The following ATP9B variants were observed in gnomAD, a reference collection of about 807,000 sequenced individuals.
ATP9B encodes ATPase phospholipid transporting 9B.
A neutral mutation model predicts 146.1 loss-of-function variants in ATP9B; 110 were observed. The observed-to-expected ratio is 0.75, with a 90% CI of 0.65 to 0.88. The LOEUF is 0.88. Among genes scored for constraint, ATP9B ranks in the 40% least tolerant of loss-of-function variants. ATP9B has a pLI of 0.00. For missense variants in ATP9B, 1,499 were observed against 1,496.4 expected, an observed-to-expected ratio of 1.00 and a Z score of -0.03; for synonymous variants, 604 against 569.7, an observed-to-expected ratio of 1.06 and a Z score of -0.86.
chr18:79,211,847 C>T (rs1337586989), intron 10 of ATP9B, among the ~76,000 whole-genome samples: 3 of 151,984 alleles, frequency 2.0e-5, no homozygotes, highest in Admixed American at 1.3e-4. Flanking sequence ...AGTTGGAGCG[C>T]GTTGTGAGGG....
intron 19 of ATP9B, among the ~76,000 whole-genome samples, chr18:79,338,282 G>C (rs1194576277): frequency 6.6e-6 from 1 of 152,186 alleles, no homozygotes; most frequent in African/African-American, 2.4e-5. Context: ...CCCCAGAGAC[G>C]CCTGGACGTA....
intron 3 of ATP9B, among the ~76,000 whole-genome samples, chr18:79,111,293 A>G (rs1286926407): frequency 1.3e-5 from 2 of 152,176 alleles, no homozygotes; most frequent in African/African-American, 4.8e-5. Context: ...TTTTATTTGC[A>G]AGAAAAGCTC....
At chr18:79,361,726 TC>T in intron 26 of ATP9B, 1 of 981,250 alleles carries the variant, frequency 1.0e-6, no homozygotes, top group Non-Finnish European at 1.2e-6. Context: ...AGCTTTCTGT[TC>T]CTTCTGAACA....
intron 7 of ATP9B, 27 bp downstream of exon 7, chr18:79,154,582 C>T: frequency 4.7e-6 from 7 of 1,475,642 alleles, no homozygotes; most frequent in Non-Finnish European, 6.4e-6. Context: ...AAAAACTTAC[C>T]TAACTGTATA....
rs73973055 is a variant in ATP9B at position 79,256,808 on chromosome 18, C to T, written c.1268+3267C>T. Among the ~76,000 whole-genome samples the T allele has an allele frequency of 8.6e-3, 1,310 of 152,244 alleles. 26 individuals carry two copies. Among genetic ancestry groups the T allele is most frequent in the African/African-American group, 0.029 (1,195 of 41,532 alleles). On this transcript the variant is annotated intron_variant, in intron 12 of 29. Coordinates refer to ENST00000426216, the MANE Select transcript of ATP9B (RefSeq NM_198531.5). ...CAGTGTTTGCACTAGACCTCCGGGC[C>T]GCAGCCTTCTTGGCATTACTGCAGT... is the stretch of plus-strand genomic sequence containing the variant.
intron 26 of ATP9B, among the ~76,000 whole-genome samples, chr18:79,369,038 T>G (rs1362405051): frequency 1.3e-5 from 2 of 152,114 alleles, no homozygotes; most frequent in Non-Finnish European, 2.9e-5. Context: ...GCACTTTTTC[T>G]CCTCTTGCAT....
Position 79,345,727 on chromosome 18 carries a change from GTGA to G in ATP9B, c.2618-42_2618-40del. ...GCTTCTGATGGTAAAAATGAAAAAC[GTGA>G]TGATGGATAAGGTTTTATTTCATCT... On this transcript the variant is annotated intron_variant, in intron 22 of 29. Transcript: ENST00000426216. The G allele has an allele frequency of 2.5e-6, 4 of 1,610,354 alleles. No homozygotes were observed. In the South Asian group the frequency reaches 4.4e-5, roughly 18 times the overall value.
At chr18:79,336,492 C>G (rs932231848) in intron 17 of ATP9B, 136 bp from the exon 18 acceptor site, 13 of 714,550 alleles carry the variant, frequency 1.8e-5, no homozygotes, top group Admixed American at 4.7e-5. Flanking sequence ...TGAGTTGTCT[C>G]TGGCCTTGGT....
At chr18:79,113,142 G>A (rs1465301856) in intron 3 of ATP9B, 99 bp from the exon 4 acceptor site, 7 of 619,844 alleles carry the variant, frequency 1.1e-5, no homozygotes, top group Non-Finnish European at 2.0e-5. Flanking sequence ...CTGTTTGATG[G>A]AAATGTGGTT....
At chr18:79,077,760 A>G (rs12456140) in intron 1 of ATP9B, among the ~76,000 whole-genome samples, 66,622 of 151,926 alleles carry the variant, frequency 0.44, 16,287 homozygotes, top group Middle Eastern at 0.67. Flanking sequence ...GAGCCAGCAT[A>G]AGAGAGTCCT....
At chr18:79,171,889 T>TTG (rs1288763858) in intron 7 of ATP9B, among the ~76,000 whole-genome samples, 8 of 141,108 alleles carry the variant, frequency 5.7e-5, no homozygotes, top group African/African-American at 2.2e-4. Flanking sequence ...TTTTTTTTTG[T>TTG]TTGTTTGTTT....
chr18:79,179,714 T>A (rs1049518724), intron 8 of ATP9B, among the ~76,000 whole-genome samples: 1 of 152,234 alleles, frequency 6.6e-6, no homozygotes, highest in African/African-American at 2.4e-5. Flanking sequence ...GCCCAGCATA[T>A]GAACTCTCTG....
rs1290787567 is a variant in ATP9B at position 79,240,004 on chromosome 18, C to A, written c.1108-13377C>A. Among the ~76,000 whole-genome samples the A allele has an allele frequency of 5.3e-5, 8 of 152,328 alleles. No homozygotes were observed. The East Asian group carries it at 1.4e-3, about 26-fold the overall frequency. On this transcript the variant is annotated intron_variant, in intron 11 of 29. Coordinates refer to ENST00000426216, the MANE Select transcript of ATP9B (RefSeq NM_198531.5). ...CGGTCTCTTCCTAGAGCTGCAGTCC[C>A]AAGCTTGCCTGCGCTCTCTGGAACC... is the stretch of plus-strand genomic sequence containing the variant.
chr18:79,133,329 A>C (rs368615476), intron 5 of ATP9B, among the ~76,000 whole-genome samples: 1 of 152,314 alleles, frequency 6.6e-6, no homozygotes, highest in South Asian at 2.1e-4. Flanking sequence ...AAATAGTTGC[A>C]CCAAGTAATT....
Position 79,366,236 on chromosome 18 carries a change from CTG to C in ATP9B, c.3013-6588_3013-6587del, listed in dbSNP as rs1194568436. 5.9e-5 allele frequency among the ~76,000 whole-genome samples: 9 copies of C among 152,350 alleles called. No homozygotes were observed. The East Asian group carries it at 1.7e-3, about 29-fold the overall frequency. On this transcript the variant is annotated intron_variant, in intron 26 of 29. Coordinates refer to ENST00000426216, the MANE Select transcript of ATP9B (RefSeq NM_198531.5). ...GGTGTGGGTGTGGAAGCTGCTCTGT[CTG>C]GCGCGGTGGTGGCGGACACCTGACC...
intron 25 of ATP9B, among the ~76,000 whole-genome samples, chr18:79,348,604 C>G (rs2096905278): frequency 1.3e-5 from 2 of 152,246 alleles, no homozygotes; most frequent in Admixed American, 6.5e-5. Flanking sequence ...ACAGGAAGTG[C>G]AGGGACATGG....
At chr18:79,321,283 G>A (rs979321015) in intron 15 of ATP9B, among the ~76,000 whole-genome samples, 6 of 152,210 alleles carry the variant, frequency 3.9e-5, no homozygotes, top group Non-Finnish European at 7.3e-5. Context: ...CCAGGTCTGC[G>A]TGAAGTATTG....
At chr18:79,244,973 T>C (rs1417239809) in intron 11 of ATP9B, among the ~76,000 whole-genome samples, 1 of 152,220 alleles carries the variant, frequency 6.6e-6, no homozygotes, top group Non-Finnish European at 1.5e-5. Context: ...ATTTTTTATA[T>C]GCTTTGGGGC....
At chr18:79,375,619 C>G (rs1386472985) in intron 29 of ATP9B, 193 bp downstream of exon 29, 1 of 985,312 alleles carries the variant, frequency 1.0e-6, no homozygotes, top group East Asian at 1.1e-4. Flanking sequence ...CTTGCCTGTT[C>G]AGGGGCTTGG....
Sources: allele counts gnomAD v4.1 joint callset (sites outside exome capture counted in the v4.1 genomes callset), GRCh38; gene constraint gnomAD v4.1.1; transcripts MANE v1.5; gene names NCBI Gene and HGNC (gene_info 2026-07-23, HGNC 2026-07-21).